The following TSPAN7 variants were observed in gnomAD, a reference collection of about 807,000 sequenced individuals.
The protein encoded by TSPAN7 is tetraspanin 7, also known as tetraspanin-7.
In TSPAN7, 1 loss-of-function variant was observed where a neutral mutation model predicts 17.6. The observed-to-expected ratio is 0.06, with a 90% CI of 0.02 to 0.27. The LOEUF is 0.27. Ranked by LOEUF, TSPAN7 falls within the 10% of genes least tolerant of loss-of-function variation. The pLI, the probability that TSPAN7 is intolerant of heterozygous loss-of-function variation, is 1.00. For missense variants in TSPAN7, 112 were observed against 201.7 expected (o/e 0.56, Z 2.69); for synonymous variants, 78 against 79.0 (o/e 0.99, Z 0.07).
intron 1 of TSPAN7, among the ~76,000 whole-genome samples, chrX:38,654,541 C>T (rs2069691334): frequency 8.9e-6 from 1 of 112,271 alleles, no homozygotes; most frequent in Non-Finnish European, 1.9e-5. Flanking sequence ...ACTGCCAGGG[C>T]CTTACAGTAG....
intron 1 of TSPAN7, among the ~76,000 whole-genome samples, chrX:38,636,770 G>C (rs2069582717): frequency 9.0e-6 from 1 of 110,514 alleles, no homozygotes; most frequent in African/African-American, 3.3e-5. Flanking sequence ...CCGCCTCCCG[G>C]GTTCAAGCAA....
Position 38,628,002 on chromosome X carries a change from T to C in TSPAN7, c.82-38119T>C, listed in dbSNP as rs777166856. On this transcript the variant is annotated intron_variant, in intron 1 of 7. Coordinates refer to ENST00000378482, the MANE Select transcript of TSPAN7 (RefSeq NM_004615.4). ...CAAGTCTGCCTAACTTCAAGTGGCT[T>C]GCACTGGGCTGTCTCTCTGAACTCC... Among the ~76,000 whole-genome samples the C allele has an allele frequency of 5.3e-5, 6 of 113,180 alleles. No homozygotes were observed. The South Asian group carries it at 2.2e-3, about 41-fold the overall frequency.
At chrX:38,614,590 G>C (rs2069442707) in intron 1 of TSPAN7, among the ~76,000 whole-genome samples, 1 of 112,690 alleles carries the variant, frequency 8.9e-6, no homozygotes, top group Admixed American at 9.4e-5. Flanking sequence ...GACATGTTTT[G>C]AGTTGTGTAA....
chrX:38,628,299 T>C (rs745724369), intron 1 of TSPAN7, among the ~76,000 whole-genome samples: 2 of 112,707 alleles, frequency 1.8e-5, no homozygotes, highest in East Asian at 5.6e-4. Flanking sequence ...TGAGGACCTA[T>C]TTATGGATGT....
chrX:38,590,860 G>A (rs954549814), intron 1 of TSPAN7, among the ~76,000 whole-genome samples: 1 of 111,765 alleles, frequency 8.9e-6, no homozygotes, highest in Non-Finnish European at 1.9e-5. Flanking sequence ...TACAGTATCT[G>A]TAGAAGCTGT....
intron 1 of TSPAN7, among the ~76,000 whole-genome samples, chrX:38,617,756 C>G (rs2069464043): frequency 8.9e-6 from 1 of 111,740 alleles, no homozygotes. Context: ...TCCTTCTGCT[C>G]TGTGAGCCTC....
At chrX:38,653,469 A>T (rs2069686675) in intron 1 of TSPAN7, among the ~76,000 whole-genome samples, 1 of 111,819 alleles carries the variant, frequency 8.9e-6, no homozygotes. Flanking sequence ...GGCCAAAACC[A>T]GAGTACTTAA....
chrX:38,604,615 G>T (rs1569305638), intron 1 of TSPAN7, among the ~76,000 whole-genome samples: 1 of 111,301 alleles, frequency 9.0e-6, no homozygotes, highest in African/African-American at 3.3e-5. Flanking sequence ...TTTCTCTGAT[G>T]GCCAGTGATG....
At chrX:38,631,756 T>G (rs1375900149) in intron 1 of TSPAN7, among the ~76,000 whole-genome samples, 2 of 111,876 alleles carry the variant, frequency 1.8e-5, no homozygotes, top group Admixed American at 1.9e-4. Flanking sequence ...TTGATGTTTT[T>G]CCAGAATCCC....
intron 1 of TSPAN7, among the ~76,000 whole-genome samples, chrX:38,641,945 C>T (rs1227983144): frequency 8.9e-6 from 1 of 112,399 alleles, no homozygotes; most frequent in Non-Finnish European, 1.9e-5. Context: ...CATGCTGCTA[C>T]TGCCTCTTCA....
intron 1 of TSPAN7, among the ~76,000 whole-genome samples, chrX:38,579,207 G>A (rs952947674): frequency 9.0e-6 from 1 of 111,379 alleles, no homozygotes; most frequent in Non-Finnish European, 1.9e-5. Flanking sequence ...TGTCTCAAAG[G>A]TAGAGTGCCT....
intron 6 of TSPAN7, among the ~76,000 whole-genome samples, chrX:38,683,266 T>G (rs1393588872): frequency 1.8e-5 from 2 of 112,377 alleles, no homozygotes; most frequent in Non-Finnish European, 3.8e-5. Flanking sequence ...TGAACCTGAT[T>G]AATACCTCTC....
At chrX:38,596,478 G>C (rs1025071472) in intron 1 of TSPAN7, among the ~76,000 whole-genome samples, 4 of 111,550 alleles carry the variant, frequency 3.6e-5, no homozygotes, top group African/African-American at 6.5e-5. Flanking sequence ...TTACTTTTTA[G>C]TATCTAATAT....
chrX:38,589,600 A>C (rs2069279162), intron 1 of TSPAN7, among the ~76,000 whole-genome samples: 1 of 112,259 alleles, frequency 8.9e-6, no homozygotes, highest in Non-Finnish European at 1.9e-5. Flanking sequence ...CTTGCCATTG[A>C]CAAAGATTTT....
intron 5 of TSPAN7, among the ~76,000 whole-genome samples, chrX:38,676,741 G>GA (rs998635734): frequency 3.6e-5 from 4 of 111,824 alleles, no homozygotes; most frequent in Non-Finnish European, 7.5e-5. Flanking sequence ...ATAATTCAGA[G>GA]AAAAAAAGAT....
intron 1 of TSPAN7, among the ~76,000 whole-genome samples, chrX:38,660,528 A>G (rs1354569394): frequency 8.9e-6 from 1 of 112,033 alleles, no homozygotes; most frequent in East Asian, 2.8e-4. Flanking sequence ...GTGGATTTTA[A>G]TTATTGATGA....
At chrX:38,642,319 G>A (rs2069617136) in intron 1 of TSPAN7, among the ~76,000 whole-genome samples, 1 of 111,678 alleles carries the variant, frequency 9.0e-6, no homozygotes, top group Admixed American at 9.5e-5. Context: ...ATCATGAGAG[G>A]AAAAAAGCCA....
chrX:38,669,605 G>A (rs773514941), intron 2 of TSPAN7, among the ~76,000 whole-genome samples: 2 of 112,526 alleles, frequency 1.8e-5, no homozygotes, highest in South Asian at 7.4e-4. Context: ...CTAGAGGCAG[G>A]AAACTTGCCA....
chrX:38,578,165 T>C (rs1201736882), intron 1 of TSPAN7, among the ~76,000 whole-genome samples: 2 of 111,445 alleles, frequency 1.8e-5, no homozygotes, highest in Admixed American at 9.5e-5. Flanking sequence ...AGATACAAAG[T>C]TGTGAAAGGC....
Sources: allele counts gnomAD v4.1 joint callset (sites outside exome capture counted in the v4.1 genomes callset), GRCh38; gene constraint gnomAD v4.1.1; transcripts MANE v1.5; gene names NCBI Gene and HGNC (gene_info 2026-07-23, HGNC 2026-07-21).